The following PEX26 variants were observed in gnomAD, a reference collection of about 807,000 sequenced individuals.
PEX26 encodes peroxisome assembly protein 26.
PEX26 carries 18 observed loss-of-function variants against 31.4 expected under a neutral mutation model. The ratio of observed to expected loss-of-function variants is 0.57; its 90% CI spans 0.40 to 0.85. The LOEUF (loss-of-function observed/expected upper bound fraction) is 0.85. Ranked by LOEUF, PEX26 falls within the 40% of genes least tolerant of loss-of-function variation. PEX26 has a pLI of 0.00. For missense variants in PEX26, 377 were observed against 383.9 expected (o/e 0.98, Z 0.15); for synonymous variants, 176 against 166.9 (o/e 1.05, Z -0.42).
chr22:18,085,297 G>C (rs1226928646), intron 4 of PEX26, 39 bp downstream of exon 4: 1 of 1,610,246 alleles, frequency 6.2e-7, no homozygotes, highest in Non-Finnish European at 8.5e-7. Context: ...TCCTGGGAAG[G>C]GGTTGTTGCC....
At chr22:18,079,120 A>G in intron 1 of PEX26, 3 of 683,494 alleles carry the variant, frequency 4.4e-6, no homozygotes, top group Non-Finnish European at 5.4e-6. Context: ...GGATTGCTTG[A>G]GCCCAGGAGT....
rs752147316 is a variant in PEX26, at chr22:18,083,537, G to A, written c.472G>A (p.Ala158Thr). 2.5e-6 allele frequency: 4 copies of A among 1,614,122 alleles called. No homozygotes were observed. The highest frequency in any genetic ancestry group is 3.3e-5 in the Admixed American group (2 of 60,022). ...CAATCAAAACCTTCCAGAATATGGAGCCTTGGCAGAATTTCACGTGCAGCG... is the reference window on the plus strand; with the variant it reads ...CAATCAAAACCTTCCAGAATATGGAACCTTGGCAGAATTTCACGTGCAGCG... The part of the protein sequence containing the change: ...PANQNLPEYG[A>T]LAEFHVQRVL... The change falls in exon 3 of 5, where the codon GCC (alanine) becomes ACC (threonine). Residue 158 changes from alanine (A) to threonine (T), a missense_variant. Ala to Thr is a moderately conservative substitution (Grantham distance 58). Coordinates refer to ENST00000399744, the MANE Select transcript of PEX26 (RefSeq NM_001127649.3).
rs764244307 is a variant in PEX26, at chr22:18,078,424, G to T, written c.48G>T (p.Gly16=). The T allele has an allele frequency of 7.5e-6, 12 of 1,591,122 alleles. No individual in the cohort carries two copies. In the Middle Eastern group the frequency reaches 5.0e-4, roughly 66 times the overall value. The change falls in exon 1 of 5, where the codon GGG becomes GGT. Residue 16 remains glycine (G), a synonymous_variant. Coordinates refer to ENST00000399744, the MANE Select transcript of PEX26 (RefSeq NM_001127649.3). The part of the protein sequence containing the change: ...STSAAPLRGL[G]GPLRSSEPVR... Reference sequence around the variant, plus strand: ...CTGCAGCCCCCCTCAGGGGGCTCGGGGGACCCCTGCGCAGCAGCGAGCCGG... The same window carrying T: ...CTGCAGCCCCCCTCAGGGGGCTCGGTGGACCCCTGCGCAGCAGCGAGCCGG...
rs1299438799 is a variant in PEX26, at chr22:18,102,594, C to G, written c.*14519C>G. 6.5e-6 allele frequency: 1 copy of G among 152,826 alleles called. No homozygotes were observed. The highest frequency in any genetic ancestry group is 2.4e-5 in the African/African-American group (1 of 41,414). The allele number at this position is 152,826 out of a possible 1,614,324, so 9.5% of individuals were successfully genotyped here. On this transcript the variant is annotated 3_prime_UTR_variant, in exon 5 of 5. Coordinates refer to ENST00000399744, the MANE Select transcript of PEX26 (RefSeq NM_001127649.3). Reference sequence around the variant, plus strand: ...GGTAGTACTTGTACACAGAATTTCTCTATAATAACCAGAACATGTCATCCA... The same window carrying G: ...GGTAGTACTTGTACACAGAATTTCTGTATAATAACCAGAACATGTCATCCA...
Position 18,090,539 on chromosome 22 carries a change from A to G in PEX26, c.*2464A>G, listed in dbSNP as rs530493358. ...CCCTGTGTCCCGGGACCTGTTTCAT[A>G]TCGCTTCTGTGGTCGTGACCCCATG... On this transcript the variant is annotated 3_prime_UTR_variant, in exon 5 of 5. Transcript: ENST00000399744. The G allele has an allele frequency of 1.3e-5, 2 of 152,300 alleles. No homozygotes were observed. Among genetic ancestry groups the G allele is most frequent in the African/African-American group, 4.8e-5 (2 of 41,526 alleles). 9.4% of individuals were successfully genotyped at this position (152,300 alleles called of 1,614,324 possible). A position where few individuals can be genotyped will look rare whatever the true frequency, so the allele number is the denominator to read the frequency against.
chr22:18,085,182 C>T lies in PEX26; in HGVS notation c.738C>T (p.His246=), dbSNP rs1380881201. 1.9e-6 allele frequency: 3 copies of T among 1,614,046 alleles called. No individual in the cohort carries two copies. The highest frequency in any genetic ancestry group is 1.3e-5 in the African/African-American group (1 of 74,928). ...AGCTTTGGGACTCTGCGGTGAGCCACTTCTTTTCTCTGCCCTTCAAAAAGA... is the reference window on the plus strand; with the variant it reads ...AGCTTTGGGACTCTGCGGTGAGCCATTTCTTTTCTCTGCCCTTCAAAAAGA... ...VRQLWDSAVS[H]FFSLPFKKSL... is the part of the protein sequence containing the mutation. Residue 246 remains histidine, a synonymous_variant, in exon 4 of 5, where the codon CAC becomes CAT. Coordinates refer to ENST00000399744, the MANE Select transcript of PEX26 (RefSeq NM_001127649.3).
rs757324021 is a variant in PEX26, at chr22:18,078,426, G to A, written c.50G>A (p.Gly17Glu). ...TSAAPLRGLG[G>E]PLRSSEPVRA... is the part of the protein sequence containing the mutation. ...GCAGCCCCCCTCAGGGGGCTCGGGG[G>A]ACCCCTGCGCAGCAGCGAGCCGGTG... Residue 17 changes from glycine to glutamate, a missense_variant, in exon 1 of 5, where the codon GGA becomes GAA. Transcript: ENST00000399744. The A allele has an allele frequency of 6.9e-6, 11 of 1,589,370 alleles. No homozygotes were observed. The highest frequency in any genetic ancestry group is 1.7e-4 in the Middle Eastern group (1 of 6,032).
chr22:18,079,957 G>T lies in PEX26; in HGVS notation c.314G>T (p.Trp105Leu). The T allele has an allele frequency of 6.2e-7, 1 of 1,614,080 alleles. No individual in the cohort carries two copies. Among genetic ancestry groups the T allele is most frequent in the East Asian group, 2.2e-5 (1 of 44,874 alleles). The change falls in exon 2 of 5, where the codon TGG becomes TTG. Residue 105 changes from tryptophan to leucine, a missense_variant. By Grantham distance (61) the Trp-to-Leu change is moderately conservative. Transcript: ENST00000399744. ...GATCGGTGGCAAGAAGTCCTCTCCT[G>T]GGTCCTTCAGTATTACCAGGTCCCT... is the stretch of plus-strand genomic sequence containing the variant. ...EMDRWQEVLS[W>L]VLQYYQVPEK...
chr22:18,084,630 G>A lies in PEX26; in HGVS notation c.668-482G>A, dbSNP rs114341359. ...TATAGTCAAAATAAGTAATAAACAC[G>A]AGGAAAACAATTTATATTCATGAGA... On this transcript the variant is annotated intron_variant, in intron 3 of 4. Coordinates refer to ENST00000399744, the MANE Select transcript of PEX26 (RefSeq NM_001127649.3). Among the ~76,000 whole-genome samples, 945 of 152,088 alleles carry A rather than the reference G, an allele frequency of 6.2e-3. 12 individuals carry two copies. The highest frequency in any genetic ancestry group is 0.021 in the African/African-American group (887 of 41,504).
At chr22:18,086,701 A>C (rs1569189125) in intron 4 of PEX26, among the ~76,000 whole-genome samples, 1 of 152,050 alleles carries the variant, frequency 6.6e-6, no homozygotes. Context: ...TACTCTTCTC[A>C]TGAATTTAGA....
In PEX26 at chr22:18,078,507, T is replaced by A. The variant is rs61752131; in HGVS notation, c.131T>A (p.Leu44His). Residue 44 changes from leucine to histidine, a missense_variant, in exon 1 of 5, where the codon CTC becomes CAC. By Grantham distance (99) the Leu-to-His change is moderately conservative. Transcript: ENST00000399744. ...AVDLLEEAAD[L>H]LVVHLDFRAA... is the part of the protein sequence containing the mutation. Reference sequence around the variant, plus strand: ...GACCTTCTGGAGGAGGCGGCCGACCTCCTGGTGGTGCACCTGGACTTCCGG... The same window carrying A: ...GACCTTCTGGAGGAGGCGGCCGACCACCTGGTGGTGCACCTGGACTTCCGG... 3.2e-6 allele frequency: 5 copies of A among 1,571,546 alleles called. No individual in the cohort carries two copies. The highest frequency in any genetic ancestry group is 1.7e-4 in the Middle Eastern group (1 of 5,940).
intron 2 of PEX26, 30 bp from the exon 3 acceptor site, chr22:18,083,407 T>A (rs1422456640): frequency 6.2e-7 from 1 of 1,610,894 alleles, no homozygotes; most frequent in East Asian, 2.2e-5. Context: ...ACTCTTCTTT[T>A]GTTGGGATTG....
In PEX26 at chr22:18,078,135, AG is replaced by A; in HGVS notation, c.-239del. 3 of 671,646 alleles carry A rather than the reference AG, an allele frequency of 4.5e-6. No individual in the cohort carries two copies. The highest frequency in any genetic ancestry group is 8.2e-6 in the Non-Finnish European group (3 of 365,196). 41.6% of individuals were successfully genotyped at this position (671,646 alleles called of 1,614,324 possible). On this transcript the variant is annotated 5_prime_UTR_variant, in exon 1 of 5. Coordinates refer to ENST00000399744, the MANE Select transcript of PEX26 (RefSeq NM_001127649.3). Reference sequence around the variant, plus strand: ...CGGAGAAGCTAGGGCCAGGTATTCCAGGGATGCAAGAATCCTGCAAATCTGA... The same window carrying A: ...CGGAGAAGCTAGGGCCAGGTATTCCAGGATGCAAGAATCCTGCAAATCTGA...
chr22:18,099,459 T>C lies in PEX26; in HGVS notation c.*11384T>C, dbSNP rs527659005. 1.4e-4 allele frequency: 22 copies of C among 152,322 alleles called. No individual in the cohort carries two copies. Among genetic ancestry groups the C allele is most frequent in the African/African-American group, 4.8e-4 (20 of 41,574 alleles). The allele number at this position is 152,322 out of a possible 1,614,324, so 9.4% of individuals were successfully genotyped here. A position where few individuals can be genotyped will look rare whatever the true frequency, so the allele number is the denominator to read the frequency against. On this transcript the variant is annotated 3_prime_UTR_variant, in exon 5 of 5. Transcript: ENST00000399744. ...AAGCAACCTTACTAAAAACACCCCA[T>C]GAAAATAAAAGTCTATATCTTCCCT...
rs1042184770 is a variant in PEX26 at position 18,104,382 on chromosome 22, G to T, written c.*16307G>T. ...CGCCTGGCTAATTTTTGTATTTTTA[G>T]TAGAGACGGGGTTTCTCCATGTTGG... is the stretch of plus-strand genomic sequence containing the variant. On this transcript the variant is annotated 3_prime_UTR_variant, in exon 5 of 5. Transcript: ENST00000399744. The T allele has an allele frequency of 6.6e-6, 1 of 151,434 alleles. No homozygotes were observed. The highest frequency in any genetic ancestry group is 2.4e-5 in the African/African-American group (1 of 41,212). 9.4% of individuals were successfully genotyped at this position (151,434 alleles called of 1,614,324 possible).
At position 18,084,479 on chromosome 22, in the gene PEX26, G is replaced by A. The variant is rs529291522; in HGVS notation, c.668-633G>A. 3.9e-4 allele frequency among the ~76,000 whole-genome samples: 59 copies of A among 152,168 alleles called. No homozygotes were observed. The South Asian group carries it at 0.011, about 29-fold the overall frequency. On this transcript the variant is annotated intron_variant, in intron 3 of 4. Coordinates refer to ENST00000399744, the MANE Select transcript of PEX26 (RefSeq NM_001127649.3). Reference sequence around the variant, plus strand: ...AGGATGGTCTCAATCTCCTGACCTCGTGATCTGGCTGCCTTGGCCTCCCAA... The same window carrying A: ...AGGATGGTCTCAATCTCCTGACCTCATGATCTGGCTGCCTTGGCCTCCCAA...
chr22:18,078,130 A>C lies in PEX26; in HGVS notation c.-247A>C. On this transcript the variant is annotated 5_prime_UTR_variant, in exon 1 of 5. Coordinates refer to ENST00000399744, the MANE Select transcript of PEX26 (RefSeq NM_001127649.3). Reference sequence around the variant, plus strand: ...GGGGCCGGAGAAGCTAGGGCCAGGTATTCCAGGGATGCAAGAATCCTGCAA... The same window carrying C: ...GGGGCCGGAGAAGCTAGGGCCAGGTCTTCCAGGGATGCAAGAATCCTGCAA... The C allele has an allele frequency of 3.0e-6, 2 of 660,506 alleles. No homozygotes were observed. The highest frequency in any genetic ancestry group is 5.6e-6 in the Non-Finnish European group (2 of 358,160). 40.9% of individuals were successfully genotyped at this position (660,506 alleles called of 1,614,324 possible).
chr22:18,085,751 A>G (rs1212044793), intron 4 of PEX26, among the ~76,000 whole-genome samples: 1 of 152,152 alleles, frequency 6.6e-6, no homozygotes, highest in Non-Finnish European at 1.5e-5. Context: ...ACATGCCTGT[A>G]GTCCCAGCTA....
chr22:18,089,972 G>C lies in PEX26; in HGVS notation c.*1897G>C, dbSNP rs1455398220. The C allele has an allele frequency of 6.6e-6, 1 of 152,232 alleles. No homozygotes were observed. The highest frequency in any genetic ancestry group is 6.5e-5 in the Admixed American group (1 of 15,278). 9.4% of individuals were successfully genotyped at this position (152,232 alleles called of 1,614,324 possible). A position where few individuals can be genotyped will look rare whatever the true frequency, so the allele number is the denominator to read the frequency against. ...CCACCTAGGCCTCCCAAAGTGCTGG[G>C]ATTACAGGTGTGAGCCATCGCGCCC... On this transcript the variant is annotated 3_prime_UTR_variant, in exon 5 of 5. Transcript: ENST00000399744.
Sources: gnomAD v4.1 joint callset for allele counts (sites outside exome capture counted in the v4.1 genomes callset) on GRCh38, gnomAD v4.1.1 for gene constraint, MANE v1.5 for transcripts, NCBI Gene and HGNC (gene_info 2026-07-23, HGNC 2026-07-21) for gene names.